The following NDUFA6 variants were observed in gnomAD, a reference collection of about 807,000 sequenced individuals.
NDUFA6 encodes the protein NADH:ubiquinone oxidoreductase subunit A6.
NDUFA6 carries 10 observed loss-of-function variants against 12.5 expected under a neutral mutation model. The observed-to-expected ratio is 0.80, with a 90% CI of 0.49 to 1.35. The LOEUF (loss-of-function observed/expected upper bound fraction) is 1.35. Ranked by LOEUF, NDUFA6 falls within the 40% of genes most tolerant of loss-of-function variation. NDUFA6 has a pLI of 0.00. For missense variants in NDUFA6, 177 were observed against 173.5 expected, an observed-to-expected ratio of 1.02 and a Z score of -0.11; for synonymous variants, 66 against 63.0, an observed-to-expected ratio of 1.05 and a Z score of -0.23.
chr22:42,086,423 T>C (rs1928255627), intron 2 of NDUFA6, 109 bp from the exon 3 acceptor site: 1 of 1,451,880 alleles, frequency 6.9e-7, no homozygotes, highest in Non-Finnish European at 9.6e-7. Context: ...TGAATGACCT[T>C]GGGCAAGTAA....
chr22:42,086,422 T>C lies in NDUFA6; in HGVS notation c.256-108A>G, dbSNP rs892471110. On this transcript the variant is annotated intron_variant, in intron 2 of 2. Coordinates refer to ENST00000498737, the MANE Select transcript of NDUFA6 (RefSeq NM_002490.6). Reference sequence around the variant, plus strand: ...CTCAGCATGGACTTGTTGAATGACCTTGGGCAAGTAACTACTCTGTCTGGG... The same window carrying C: ...CTCAGCATGGACTTGTTGAATGACCCTGGGCAAGTAACTACTCTGTCTGGG... 1.5e-5 allele frequency: 22 copies of C among 1,458,226 alleles called. No homozygotes were observed. The African/African-American group carries it at 1.7e-4, about 11-fold the overall frequency. 90.3% of individuals were successfully genotyped at this position (1,458,226 alleles called of 1,614,324 possible).
intron 1 of NDUFA6, among the ~76,000 whole-genome samples, chr22:42,088,478 G>A (rs961836802): frequency 2.0e-5 from 3 of 152,024 alleles, no homozygotes; most frequent in African/African-American, 7.2e-5. Flanking sequence ...CCAGCACTTT[G>A]GGAGGCCAAG....
chr22:42,086,094 A>G lies in NDUFA6; in HGVS notation c.*89T>C. On this transcript the variant is annotated 3_prime_UTR_variant, in exon 3 of 3. Coordinates refer to ENST00000498737, the MANE Select transcript of NDUFA6 (RefSeq NM_002490.6). ...AGAGGCTGCAGAAAATTGGTTCATC[A>G]ATGGAATTCTATCACAAAGTGACCA... The G allele has an allele frequency of 1.3e-6, 2 of 1,597,492 alleles. No homozygotes were observed. Among genetic ancestry groups the G allele is most frequent in the South Asian group, 2.2e-5 (2 of 90,778 alleles).
Position 42,086,381 on chromosome 22 carries a change from AG to A in NDUFA6, c.256-68del, listed in dbSNP as rs1475023301. 10 of 1,596,652 alleles carry A rather than the reference AG, an allele frequency of 6.3e-6. No homozygotes were observed. In the African/African-American group the frequency reaches 1.2e-4, roughly 19 times the overall value. ...TTGAAGGCATATGACACTGAAGGCC[AG>A]GATTCTATTCTCTGCTCAGCATGGA... On this transcript the variant is annotated intron_variant, in intron 2 of 2. Coordinates refer to ENST00000498737, the MANE Select transcript of NDUFA6 (RefSeq NM_002490.6).
chr22:42,087,707 C>T (rs1338657918), intron 1 of NDUFA6, among the ~76,000 whole-genome samples: 2 of 151,608 alleles, frequency 1.3e-5, no homozygotes, highest in African/African-American at 4.9e-5. Flanking sequence ...GAGGCTGAGG[C>T]AGGAGAATGG....
intron 1 of NDUFA6, chr22:42,087,462 G>C: frequency 2.3e-6 from 1 of 441,306 alleles, no homozygotes; most frequent in Admixed American, 3.5e-5. Flanking sequence ...TTAGCTATAT[G>C]ATCCCGTGTA....
At chr22:42,087,587 G>C (rs1191160936) in intron 1 of NDUFA6, among the ~76,000 whole-genome samples, 2 of 151,788 alleles carry the variant, frequency 1.3e-5, no homozygotes, top group South Asian at 4.2e-4. Context: ...CGGATCATGA[G>C]GTCAGGAGAT....
chr22:42,087,344 C>T (rs1273158011), intron 1 of NDUFA6, 169 bp from the exon 2 acceptor site: 1 of 643,584 alleles, frequency 1.6e-6, no homozygotes, highest in Admixed American at 2.3e-5. Context: ...ATGGTATTTG[C>T]TCTCAAGGAA....
rs1928182605 is a variant in NDUFA6 at position 42,085,614 on chromosome 22, T to A, written c.*569A>T. On this transcript the variant is annotated 3_prime_UTR_variant, in exon 3 of 3. Coordinates refer to ENST00000498737, the MANE Select transcript of NDUFA6 (RefSeq NM_002490.6). ...ACAGTAGGAATATTTCTGTTCTCTGTGTATATTGAACAGCTGTGCACCTAA... is the reference window on the plus strand; with the variant it reads ...ACAGTAGGAATATTTCTGTTCTCTGAGTATATTGAACAGCTGTGCACCTAA... 5.7e-6 allele frequency: 1 copy of A among 175,916 alleles called. No homozygotes were observed. The highest frequency in any genetic ancestry group is 1.2e-5 in the Non-Finnish European group (1 of 82,214). The allele number at this position is 175,916 out of a possible 1,614,324, so 10.9% of individuals were successfully genotyped here. A position where few individuals can be genotyped will look rare whatever the true frequency, so the allele number is the denominator to read the frequency against.
chr22:42,086,384 A>T, intron 2 of NDUFA6, 70 bp from the exon 3 acceptor site: 13 of 1,593,976 alleles, frequency 8.2e-6, no homozygotes, highest in Non-Finnish European at 1.1e-5. Flanking sequence ...GAAGGCCAGG[A>T]TTCTATTCTC....
intron 1 of NDUFA6, among the ~76,000 whole-genome samples, chr22:42,088,279 C>T (rs1351315058): frequency 1.1e-4 from 16 of 149,912 alleles, no homozygotes; most frequent in Non-Finnish European, 1.8e-4. Context: ...CGGTGGCGGG[C>T]GCCTGTAGTC....
Position 42,086,123 on chromosome 22 carries a change from T to C in NDUFA6, c.*60A>G. ...GAATTCTATCACAAAGTGACCATTGTATAGTGAGTTTATTTGTGCTCTAAA... is the reference window on the plus strand; with the variant it reads ...GAATTCTATCACAAAGTGACCATTGCATAGTGAGTTTATTTGTGCTCTAAA... On this transcript the variant is annotated 3_prime_UTR_variant, in exon 3 of 3. Coordinates refer to ENST00000498737, the MANE Select transcript of NDUFA6 (RefSeq NM_002490.6). 6.2e-7 allele frequency: 1 copy of C among 1,612,366 alleles called. No homozygotes were observed. The highest frequency in any genetic ancestry group is 8.5e-7 in the Non-Finnish European group (1 of 1,178,514).
intron 1 of NDUFA6, among the ~76,000 whole-genome samples, chr22:42,087,629 C>T (rs1040181322): frequency 3.3e-5 from 5 of 151,316 alleles, no homozygotes; most frequent in African/African-American, 4.9e-5. Flanking sequence ...AGTGAAACCC[C>T]GTCTCTACTA....
intron 1 of NDUFA6, among the ~76,000 whole-genome samples, chr22:42,090,232 T>C (rs948683037): frequency 6.6e-6 from 1 of 151,984 alleles, no homozygotes; most frequent in African/African-American, 2.4e-5. Context: ...TCTGCAACTC[T>C]AGACTTTGGG....
At chr22:42,087,262 C>T (rs1928314868) in intron 1 of NDUFA6, 87 bp from the exon 2 acceptor site, 8 of 1,036,056 alleles carry the variant, frequency 7.7e-6, no homozygotes, top group South Asian at 5.1e-5. Flanking sequence ...ACATACAGGT[C>T]GCCCATTCAT....
intron 1 of NDUFA6, 86 bp downstream of exon 1, chr22:42,090,520 A>T: frequency 6.6e-7 from 1 of 1,511,362 alleles, no homozygotes; most frequent in Non-Finnish European, 9.1e-7. Flanking sequence ...TGGTGACCTC[A>T]GCTGGGCCCA....
At chr22:42,087,225 C>A (rs1358276715) in intron 1 of NDUFA6, 50 bp from the exon 2 acceptor site, 2 of 1,356,502 alleles carry the variant, frequency 1.5e-6, no homozygotes, top group African/African-American at 1.4e-5. Flanking sequence ...TTAAATAAAA[C>A]CTAGAGTCAA....
Position 42,087,108 on chromosome 22 carries a change from C to T in NDUFA6, c.207G>A (p.Lys69=). 6.2e-7 allele frequency: 1 copy of T among 1,614,146 alleles called. No individual in the cohort carries two copies. Among genetic ancestry groups the T allele is most frequent in the Non-Finnish European group, 8.5e-7 (1 of 1,180,006 alleles). ...GRDKVREMFM[K]NAHVTDPRVV... Reference sequence around the variant, plus strand: ...CCCTGGGGTCTGTGACATGGGCATTCTTCATAAACATTTCTCGGACTTTAT... The same window carrying T: ...CCCTGGGGTCTGTGACATGGGCATTTTTCATAAACATTTCTCGGACTTTAT... Residue 69 remains lysine, a synonymous_variant, in exon 2 of 3, where the codon AAG becomes AAA. Transcript: ENST00000498737.
rs748209616 is a variant in NDUFA6, at chr22:42,090,629, C to T, written c.116G>A (p.Trp39Ter). The T allele has an allele frequency of 2.5e-6, 4 of 1,613,980 alleles. No individual in the cohort carries two copies. The highest frequency in any genetic ancestry group is 1.7e-5 in the Admixed American group (1 of 60,030). Residue 39 changes from tryptophan to a stop codon, truncating the protein, a stop_gained, in exon 1 of 3, where the codon TGG becomes TAG. Transcript: ENST00000498737. LOFTEE classifies it high-confidence loss of function. ...ACCAGTGTTCGGCACCTCCCGATAC[C>T]AGGCGCGGTAGAGCTCGCGCACCCT... ...KRRVRELYRA[W>*]YREVPNTVHQ...
Sources: allele counts gnomAD v4.1 joint callset (sites outside exome capture counted in the v4.1 genomes callset), GRCh38; gene constraint gnomAD v4.1.1; transcripts MANE v1.5; gene names NCBI Gene and HGNC (gene_info 2026-07-23, HGNC 2026-07-21).